The following DEF6 variants were observed in gnomAD, a reference collection of about 807,000 sequenced individuals.
DEF6 encodes the protein DEF6 guanine nucleotide exchange factor, also known as differentially expressed in FDCP 6 homolog.
A neutral mutation model predicts 80.5 loss-of-function variants in DEF6; 32 were observed. The ratio of observed to expected loss-of-function variants is 0.40; its 90% CI spans 0.30 to 0.53. DEF6 has a LOEUF of 0.53. Among genes scored for constraint, DEF6 ranks in the 20% least tolerant of loss-of-function variants. DEF6 has a pLI of 0.57. For missense variants in DEF6, 575 were observed against 818.7 expected (o/e 0.70, Z 3.63); for synonymous variants, 300 against 337.9 (o/e 0.89, Z 1.23).
intron 1 of DEF6, among the ~76,000 whole-genome samples, chr6:35,298,474 G>A (rs1265186723): frequency 6.6e-6 from 1 of 152,198 alleles, no homozygotes; most frequent in Non-Finnish European, 1.5e-5. Flanking sequence ...ACAGAGCTGC[G>A]GAGTGGGTGA....
Position 35,319,628 on chromosome 6 carries a change from G to A in DEF6, c.1320G>A (p.Glu440=). The A allele has an allele frequency of 1.2e-6, 2 of 1,613,954 alleles. No homozygotes were observed. The highest frequency in any genetic ancestry group is 1.7e-6 in the Non-Finnish European group (2 of 1,179,900). ...ELEEMQQRLQ[E]ALQLEVKARR... Reference sequence around the variant, plus strand: ...AGGAGATGCAGCAGCGGTTGCAGGAGGCCCTGCAACTAGAGGTGAAAGCTC... The same window carrying A: ...AGGAGATGCAGCAGCGGTTGCAGGAAGCCCTGCAACTAGAGGTGAAAGCTC... The change falls in exon 8 of 11, where the codon GAG becomes GAA. Residue 440 remains glutamate (E), a synonymous_variant. Transcript: ENST00000316637. The surrounding 1 kb of genome is among the most constrained non-coding windows in gnomAD (Gnocchi z 4.5).
chr6:35,311,051 T>C (rs1313230390), intron 3 of DEF6, among the ~76,000 whole-genome samples: 1 of 152,188 alleles, frequency 6.6e-6, no homozygotes, highest in Non-Finnish European at 1.5e-5. Context: ...GAGACCTTTC[T>C]GAGACAGGAG....
At chr6:35,320,831 T>C in intron 9 of DEF6, 53 bp from the exon 10 acceptor site, 1 of 1,513,754 alleles carries the variant, frequency 6.6e-7, no homozygotes, top group African/African-American at 1.4e-5. Flanking sequence ...AGATCAAGAC[T>C]CCATGCCATG....
Position 35,318,879 on chromosome 6 carries a change from G to T in DEF6, c.1215+408G>T, listed in dbSNP as rs1441486704. 6.6e-6 allele frequency among the ~76,000 whole-genome samples: 1 copy of T among 152,162 alleles called. No individual in the cohort carries two copies. The highest frequency in any genetic ancestry group is 2.4e-5 in the African/African-American group (1 of 41,418). On this transcript the variant is annotated intron_variant, in intron 7 of 10. Transcript: ENST00000316637. This position sits in a 1 kb window ranked among gnomAD's most constrained non-coding sequence, Gnocchi z 5.1. ...CCAGTTTGAGAGGCAAGCGGGACGC[G>T]TATGGAGGCGGACTAGGTGTGCAGA... is the stretch of plus-strand genomic sequence containing the variant.
chr6:35,316,181 T>C (rs13197551), intron 5 of DEF6: 102,515 of 151,956 alleles, frequency 0.67, 37,998 homozygotes, highest in Non-Finnish European at 0.82. Context: ...TTTTTTTTTT[T>C]TAAGAGAGAG....
intron 1 of DEF6, among the ~76,000 whole-genome samples, chr6:35,307,532 G>A (rs1456592756): frequency 1.3e-5 from 2 of 152,214 alleles, no homozygotes; most frequent in Non-Finnish European, 2.9e-5. Context: ...TGGTCACCCT[G>A]GGTTTTAAGT....
intron 1 of DEF6, among the ~76,000 whole-genome samples, chr6:35,305,980 C>T (rs562197197): frequency 2.6e-5 from 4 of 152,120 alleles, no homozygotes; most frequent in Admixed American, 6.5e-5. Flanking sequence ...GCAACCTCTG[C>T]CTCCTGGGTT....
chr6:35,300,867 G>A (rs1211148667), intron 1 of DEF6, among the ~76,000 whole-genome samples: 1 of 152,190 alleles, frequency 6.6e-6, no homozygotes, highest in Non-Finnish European at 1.5e-5. Flanking sequence ...ACCCAGGGGA[G>A]CAGTTTTGAT....
chr6:35,305,405 G>A (rs1404929796), intron 1 of DEF6, among the ~76,000 whole-genome samples: 2 of 152,060 alleles, frequency 1.3e-5, no homozygotes, highest in East Asian at 1.9e-4. Context: ...TGGGAGGATC[G>A]CTTGAGCCTG....
rs1562151706 is a variant in DEF6, at chr6:35,321,709, GC to G, written c.*304del. On this transcript the variant is annotated 3_prime_UTR_variant, in exon 11 of 11. Transcript: ENST00000316637. Reference sequence around the variant, plus strand: ...GAGAACAAGCAAGCCGGGGCTACCTGCCCCCAGGTGGCCACCAAGTTGTGGA... The same window carrying G: ...GAGAACAAGCAAGCCGGGGCTACCTGCCCCAGGTGGCCACCAAGTTGTGGA... 3.5e-6 allele frequency: 1 copy of G among 287,818 alleles called. No individual in the cohort carries two copies. The highest frequency in any genetic ancestry group is 6.4e-6 in the Non-Finnish European group (1 of 155,538). 17.8% of individuals were successfully genotyped at this position (287,818 alleles called of 1,614,324 possible).
At position 35,312,617 on chromosome 6, in the gene DEF6, G is replaced by A. The variant is rs1194178045; in HGVS notation, c.661-9G>A. ...CCTGGGAAGCCTCTGACGTAACTCC[G>A]GCTGGCAGGGCTACCTGTGGAAGCG... On this transcript the variant is annotated splice_polypyrimidine_tract_variant and intron_variant, in intron 4 of 10. Coordinates refer to ENST00000316637, the MANE Select transcript of DEF6 (RefSeq NM_022047.4). The surrounding 1 kb of genome is among the most constrained non-coding windows in gnomAD (Gnocchi z 6.6). 1.4e-5 allele frequency: 23 copies of A among 1,614,100 alleles called. No individual in the cohort carries two copies. Among genetic ancestry groups the A allele is most frequent in the Admixed American group, 3.3e-5 (2 of 60,006 alleles).
intron 10 of DEF6, 93 bp downstream of exon 10, chr6:35,321,067 G>A (rs942952230): frequency 6.4e-7 from 1 of 1,559,366 alleles, no homozygotes; most frequent in Non-Finnish European, 8.8e-7. Context: ...ATCTCCCAGG[G>A]CCAGCAAAAG....
chr6:35,303,997 G>T (rs1205153146), intron 1 of DEF6, among the ~76,000 whole-genome samples: 4 of 152,148 alleles, frequency 2.6e-5, no homozygotes, highest in African/African-American at 7.2e-5. Context: ...CTGGATGTTG[G>T]TGGCAGGCAC....
At chr6:35,304,573 G>A (rs1317178092) in intron 1 of DEF6, among the ~76,000 whole-genome samples, 2 of 152,188 alleles carry the variant, frequency 1.3e-5, no homozygotes, top group Non-Finnish European at 2.9e-5. Flanking sequence ...CAGAGAAGGT[G>A]CAGCAGGCCA....
At chr6:35,313,956 C>T (rs949960906) in intron 5 of DEF6, among the ~76,000 whole-genome samples, 1 of 152,144 alleles carries the variant, frequency 6.6e-6, no homozygotes, top group Non-Finnish European at 1.5e-5. Flanking sequence ...TAGATATATA[C>T]CCAGCAGTGG....
At position 35,312,588 on chromosome 6, in the gene DEF6, G is replaced by A. The variant is rs1337930943; in HGVS notation, c.661-38G>A. On this transcript the variant is annotated intron_variant, in intron 4 of 10. Coordinates refer to ENST00000316637, the MANE Select transcript of DEF6 (RefSeq NM_022047.4). This position sits in a 1 kb window ranked among gnomAD's most constrained non-coding sequence, Gnocchi z 6.6. The stretch of plus-strand genomic sequence containing the variant: ...AAGCACACAAGGTGCAGGGCGAAGG[G>A]GGGCCTGGGAAGCCTCTGACGTAAC... 5 of 1,614,172 alleles carry A rather than the reference G, an allele frequency of 3.1e-6. No individual in the cohort carries two copies. In the East Asian group the frequency reaches 8.9e-5, roughly 29 times the overall value.
At position 35,312,600 on chromosome 6, in the gene DEF6, GC is replaced by G; in HGVS notation, c.661-24del. 6.2e-7 allele frequency: 1 copy of G among 1,614,214 alleles called. No homozygotes were observed. The highest frequency in any genetic ancestry group is 8.5e-7 in the Non-Finnish European group (1 of 1,180,022). On this transcript the variant is annotated intron_variant, in intron 4 of 10. Transcript: ENST00000316637. The surrounding 1 kb of genome is among the most constrained non-coding windows in gnomAD (Gnocchi z 6.6). ...TGCAGGGCGAAGGGGGGCCTGGGAA[GC>G]CTCTGACGTAACTCCGGCTGGCAGG...
intron 5 of DEF6, 48 bp from the exon 6 acceptor site, chr6:35,317,843 C>A: frequency 6.4e-7 from 1 of 1,559,786 alleles, no homozygotes; most frequent in Non-Finnish European, 8.7e-7. Context: ...CAGGTGGGGC[C>A]CTGACCCAGT....
chr6:35,305,135 GA>G (rs934222262), intron 1 of DEF6, among the ~76,000 whole-genome samples: 6 of 146,174 alleles, frequency 4.1e-5, no homozygotes, highest in Non-Finnish European at 9.1e-5. Context: ...TCATCTCTAT[GA>G]AAAAAAAGAA....
Sources: allele counts gnomAD v4.1 joint callset (sites outside exome capture counted in the v4.1 genomes callset), GRCh38; gene constraint gnomAD v4.1.1; non-coding constraint Gnocchi (gnomAD v3.1); transcripts MANE v1.5; gene names NCBI Gene and HGNC (gene_info 2026-07-23, HGNC 2026-07-21).